Variants in GLMN observed in about 807,000 individuals in gnomAD.
The protein encoded by GLMN is glomulin, FKBP associated protein.
A neutral mutation model predicts 87.8 loss-of-function variants in GLMN; 75 were observed. The ratio of observed to expected loss-of-function variants is 0.85; its 90% CI spans 0.71 to 1.04. The LOEUF is 1.04. Among genes scored for constraint, GLMN ranks in the 50% least tolerant of loss-of-function variants. The pLI is 0.00. For missense variants in GLMN, 588 were observed against 658.8 expected (o/e 0.89, Z 1.18); for synonymous variants, 206 against 221.6 (o/e 0.93, Z 0.63).
chr1:92,308,115 C>T, the GLMN span, among the ~76,000 whole-genome samples: 8 of 151,856 alleles, frequency 5.3e-5, no homozygotes, highest in Non-Finnish European at 7.4e-5. Context: ...TTTTCTGATG[C>T]GTAAGGCGAT....
chr1:92,260,067 A>G (rs1278796264), intron 16 of GLMN, among the ~76,000 whole-genome samples: 1 of 152,012 alleles, frequency 6.6e-6, no homozygotes, highest in Non-Finnish European at 1.5e-5. Context: ...AAATCTTCCA[A>G]AAACTCAGGA....
the GLMN span, among the ~76,000 whole-genome samples, chr1:92,305,850 T>C: frequency 1.3e-5 from 2 of 152,204 alleles, no homozygotes; most frequent in Non-Finnish European, 2.9e-5. Flanking sequence ...GAATGAAAAT[T>C]GGTACAGCCT....
rs763107683 is a variant in GLMN, at chr1:92,291,463, A to G, written c.240T>C (p.Asp80=). The part of the protein sequence containing the change: ...VRCLLCKDKE[D]SKRKVYFLIF... The stretch of plus-strand genomic sequence containing the variant: ...TCAAAAAATAAACTTTTCTTTTACT[A>G]TCCTCTTTATCTTTACACAAAAGGC... The change falls in exon 4 of 19, where the codon GAT becomes GAC. Residue 80 remains aspartate, a synonymous_variant. Coordinates refer to ENST00000370360, the MANE Select transcript of GLMN (RefSeq NM_053274.3). The G allele has an allele frequency of 1.3e-6, 2 of 1,598,480 alleles. No homozygotes were observed. Among genetic ancestry groups the G allele is most frequent in the Non-Finnish European group, 1.7e-6 (2 of 1,165,798 alleles).
chr1:92,368,173 G>T, the GLMN span, among the ~76,000 whole-genome samples: 30 of 152,290 alleles, frequency 2.0e-4, no homozygotes, highest in Admixed American at 1.4e-3. Context: ...AAGGTCAGGA[G>T]TTTGAGACCA....
upstream of GLMN, chr1:92,299,007 C>T (rs555339441): frequency 5.1e-6 from 4 of 788,474 alleles, no homozygotes; most frequent in Non-Finnish European, 7.8e-6. Context: ...CCGCGCTACG[C>T]GTAGGGAGGC....
chr1:92,306,951 A>G, the GLMN span, among the ~76,000 whole-genome samples: 1 of 152,216 alleles, frequency 6.6e-6, no homozygotes, highest in Non-Finnish European at 1.5e-5. Flanking sequence ...AAATGAGGGA[A>G]TGATTAACAC....
At chr1:92,296,870 C>T (rs1458125709) in intron 3 of GLMN, among the ~76,000 whole-genome samples, 4 of 152,100 alleles carry the variant, frequency 2.6e-5, no homozygotes, top group African/African-American at 9.7e-5. Flanking sequence ...ACACATTTGG[C>T]TGGAGGAGAA....
chr1:92,301,560 G>T, upstream of GLMN: 1 of 1,546,394 alleles, frequency 6.5e-7, no homozygotes, highest in South Asian at 1.2e-5. Context: ...TTTTAGAGGA[G>T]AATATTACAG....
At chr1:92,346,896 G>A in the GLMN span, among the ~76,000 whole-genome samples, 3 of 152,090 alleles carry the variant, frequency 2.0e-5, no homozygotes, top group Non-Finnish European at 4.4e-5. Flanking sequence ...CTTGTTAGAG[G>A]TCATTGAAGC....
chr1:92,334,706 G>A, the GLMN span, among the ~76,000 whole-genome samples: 1 of 151,948 alleles, frequency 6.6e-6, no homozygotes, highest in East Asian at 1.9e-4. Flanking sequence ...TAAAAATTCG[G>A]CCGAGTGCAG....
At chr1:92,320,056 G>A in the GLMN span, among the ~76,000 whole-genome samples, 4 of 151,844 alleles carry the variant, frequency 2.6e-5, no homozygotes, top group Non-Finnish European at 5.9e-5. Context: ...TCTAGTAGTA[G>A]GCCATAAAGG....
the GLMN span, among the ~76,000 whole-genome samples, chr1:92,367,802 A>G: frequency 1.3e-5 from 2 of 152,188 alleles, no homozygotes; most frequent in African/African-American, 4.8e-5. Flanking sequence ...TGTAAGAAAG[A>G]TTATGTGGAG....
At chr1:92,303,840 T>C (rs1000698497), upstream of GLMN, 10 of 501,946 alleles carry the variant, frequency 2.0e-5, no homozygotes, top group Non-Finnish European at 3.4e-5. Flanking sequence ...TTTTCTCCTC[T>C]AATTCTAACC....
intron 7 of GLMN, among the ~76,000 whole-genome samples, chr1:92,275,599 A>G (rs999753549): frequency 3.3e-5 from 5 of 151,996 alleles, no homozygotes; most frequent in African/African-American, 1.2e-4. Flanking sequence ...AATAGCTTAC[A>G]CTAGTCATCT....
chr1:92,332,033 G>GT, the GLMN span, among the ~76,000 whole-genome samples: 377 of 150,314 alleles, frequency 2.5e-3, no homozygotes, highest in African/African-American at 8.0e-3. Flanking sequence ...TTCTTTTAAG[G>GT]TTTTTTTTTG....
At chr1:92,310,053 T>C in the GLMN span, among the ~76,000 whole-genome samples, 1 of 152,150 alleles carries the variant, frequency 6.6e-6, no homozygotes, top group Non-Finnish European at 1.5e-5. Context: ...TAGTGATCCG[T>C]ATGAGACCAG....
the GLMN span, among the ~76,000 whole-genome samples, chr1:92,345,238 T>C: frequency 6.6e-6 from 1 of 151,880 alleles, no homozygotes; most frequent in Non-Finnish European, 1.5e-5. Flanking sequence ...CAGCAGCATG[T>C]ACCTGTCATC....
chr1:92,262,636 G>C (rs570879307), intron 16 of GLMN, among the ~76,000 whole-genome samples: 2 of 152,206 alleles, frequency 1.3e-5, no homozygotes, highest in Non-Finnish European at 2.9e-5. Flanking sequence ...AGTGCTTTCA[G>C]CAAGAAAGCA....
At chr1:92,298,397 G>A (rs1042713283) in intron 1 of GLMN, among the ~76,000 whole-genome samples, 2 of 152,120 alleles carry the variant, frequency 1.3e-5, no homozygotes, top group African/African-American at 4.8e-5. Context: ...AAAAAGCAAA[G>A]CACTTCTTTT....
Sources: allele counts gnomAD v4.1 joint callset (sites outside exome capture counted in the v4.1 genomes callset), GRCh38; gene constraint gnomAD v4.1.1; transcripts MANE v1.5; gene names NCBI Gene and HGNC (gene_info 2026-07-23, HGNC 2026-07-21).